MAVS: variants seen among roughly 807,000 people sequenced by gnomAD.
MAVS encodes the protein mitochondrial antiviral-signaling protein.
A neutral mutation model predicts 30.2 loss-of-function variants in MAVS; 20 were observed. That is an observed-to-expected ratio of 0.66 (90% confidence interval 0.47 to 0.96). MAVS has a LOEUF of 0.96. Among genes scored for constraint, MAVS ranks in the 40% least tolerant of loss-of-function variants. The probability of loss-of-function intolerance (pLI) is 0.00; values close to 1 mark genes in which losing one functional copy is unlikely to be tolerated. For missense variants in MAVS, 624 were observed against 701.1 expected, an observed-to-expected ratio of 0.89 and a Z score of 1.24; for synonymous variants, 278 against 293.9, an observed-to-expected ratio of 0.95 and a Z score of 0.55.
chr20:3,870,798 G>A lies in MAVS; in HGVS notation c.*4651G>A, dbSNP rs1428136107. 1 of 151,892 alleles carries A rather than the reference G, an allele frequency of 6.6e-6. No individual in the cohort carries two copies. The highest frequency in any genetic ancestry group is 1.5e-5 in the Non-Finnish European group (1 of 68,038). The allele number at this position is 151,892 out of a possible 1,614,324, so 9.4% of individuals were successfully genotyped here. On this transcript the variant is annotated 3_prime_UTR_variant, in exon 7 of 7. Transcript: ENST00000428216. ...AGAGAGTAGAATAACAAATCCCCATGAGCCCATCACCCAACTTCAGTAATT... is the reference window on the plus strand; with the variant it reads ...AGAGAGTAGAATAACAAATCCCCATAAGCCCATCACCCAACTTCAGTAATT...
intron 1 of MAVS, among the ~76,000 whole-genome samples, chr20:3,853,420 AGCTT>A (rs1421612995): frequency 3.5e-4 from 52 of 150,128 alleles, no homozygotes; most frequent in Admixed American, 3.5e-3. Context: ...CGAGAGGCGG[AGCTT>A]GCAGTGAGCC....
intron 1 of MAVS, among the ~76,000 whole-genome samples, chr20:3,847,615 A>G (rs2146750435): frequency 6.6e-6 from 1 of 152,366 alleles, no homozygotes; most frequent in Non-Finnish European, 1.5e-5. Flanking sequence ...CTAGGAGGAC[A>G]GCCAGCGACC....
chr20:3,854,660 C>G lies in MAVS; in HGVS notation c.36C>G (p.Ile12Met), dbSNP rs754701399. The G allele has an allele frequency of 4.3e-6, 7 of 1,613,912 alleles. No individual in the cohort carries two copies. The highest frequency in any genetic ancestry group is 5.9e-6 in the Non-Finnish European group (7 of 1,179,900). Residue 12 changes from isoleucine to methionine, a missense_variant, in exon 2 of 7, where the codon ATC becomes ATG. Coordinates refer to ENST00000428216, the MANE Select transcript of MAVS (RefSeq NM_020746.5). ...CTGAAGACAAGACCTATAAGTATATCTGCCGCAATTTCAGCAATTTTTGCA... is the reference window on the plus strand; with the variant it reads ...CTGAAGACAAGACCTATAAGTATATGTGCCGCAATTTCAGCAATTTTTGCA... ...PFAEDKTYKY[I>M]CRNFSNFCNV... is the part of the protein sequence containing the mutation.
At chr20:3,854,027 G>C (rs2089787793) in intron 1 of MAVS, among the ~76,000 whole-genome samples, 1 of 142,872 alleles carries the variant, frequency 7.0e-6, no homozygotes, top group Admixed American at 7.6e-5. Context: ...TCCAACTCCC[G>C]ACCTCAGTTA....
chr20:3,861,570 G>A (rs968887765), intron 4 of MAVS, 66 bp downstream of exon 4: 54 of 1,526,004 alleles, frequency 3.5e-5, no homozygotes, highest in Non-Finnish European at 4.5e-5. Context: ...TCTGCCCATT[G>A]AGCCTTCCAG....
Position 3,862,346 on chromosome 20 carries a change from C to G in MAVS, c.558C>G (p.Ala186=), listed in dbSNP as rs1239618507. ...GPLESSSDLA[A]LSPLTSSGHQ... is the part of the protein sequence containing the mutation. ...TGGAGTCCTCCTCTGACCTGGCAGC[C>G]CTCAGCCCTCTGACCTCCAGCGGGC... The change falls in exon 5 of 7, where the codon GCC becomes GCG. Residue 186 remains alanine (A), a synonymous_variant. Transcript: ENST00000428216. 6.2e-7 allele frequency: 1 copy of G among 1,614,128 alleles called. No homozygotes were observed. Among genetic ancestry groups the G allele is most frequent in the Admixed American group, 1.7e-5 (1 of 60,008 alleles).
intron 2 of MAVS, among the ~76,000 whole-genome samples, chr20:3,857,000 C>T (rs1180753224): frequency 6.7e-6 from 1 of 148,522 alleles, no homozygotes; most frequent in African/African-American, 2.5e-5. Flanking sequence ...CACGGCACTG[C>T]ACTCCAGCCT....
At chr20:3,850,443 A>G (rs1187288861) in intron 1 of MAVS, among the ~76,000 whole-genome samples, 2 of 148,944 alleles carry the variant, frequency 1.3e-5, no homozygotes, top group Non-Finnish European at 1.5e-5. Flanking sequence ...ATACAAAATT[A>G]GCGGGGCGTG....
intron 3 of MAVS, among the ~76,000 whole-genome samples, chr20:3,859,448 C>T (rs1401973087): frequency 1.3e-5 from 2 of 149,980 alleles, no homozygotes; most frequent in East Asian, 2.0e-4. Context: ...GTGGAGGTTG[C>T]AGTGAGCCGA....
At chr20:3,862,792 A>G (rs374548454) in intron 5 of MAVS, among the ~76,000 whole-genome samples, 3 of 152,040 alleles carry the variant, frequency 2.0e-5, no homozygotes, top group Admixed American at 6.6e-5. Context: ...GTTCTCTTCT[A>G]TGTAGTCTCT....
rs986648616 is a variant in MAVS, at chr20:3,846,922, C to T, written c.-68+19C>T. The T allele has an allele frequency of 2.6e-5, 4 of 152,420 alleles. No individual in the cohort carries two copies. Among genetic ancestry groups the T allele is most frequent in the African/African-American group, 9.6e-5 (4 of 41,454 alleles). The allele number at this position is 152,420 out of a possible 1,614,324, so 9.4% of individuals were successfully genotyped here. A position where few individuals can be genotyped will look rare whatever the true frequency, so the allele number is the denominator to read the frequency against. On this transcript the variant is annotated intron_variant, in intron 1 of 6. Coordinates refer to ENST00000428216, the MANE Select transcript of MAVS (RefSeq NM_020746.5). ...ACCCGAGGTAAGATCGCTTCCCGGG[C>T]GTTGGGTCCTTTCGGCTCAGCACGC...
intron 1 of MAVS, among the ~76,000 whole-genome samples, chr20:3,853,098 C>T (rs1228086520): frequency 6.7e-6 from 1 of 150,338 alleles, no homozygotes; most frequent in East Asian, 2.0e-4. Flanking sequence ...CTCGGCCTCC[C>T]AACGTGCTGG....
chr20:3,856,526 G>T (rs550036331), intron 2 of MAVS, among the ~76,000 whole-genome samples: 2 of 151,578 alleles, frequency 1.3e-5, no homozygotes, highest in East Asian at 3.9e-4. Flanking sequence ...TAATTTTTGT[G>T]TTTTTAGTAG....
chr20:3,854,147 G>A (rs530758958), intron 1 of MAVS, among the ~76,000 whole-genome samples: 1 of 152,000 alleles, frequency 6.6e-6, no homozygotes, highest in South Asian at 2.1e-4. Flanking sequence ...AAACGGCCAG[G>A]TGTGGTGGCT....
At chr20:3,857,415 G>A (rs565520736) in intron 2 of MAVS, among the ~76,000 whole-genome samples, 92 of 152,358 alleles carry the variant, frequency 6.0e-4, no homozygotes, top group African/African-American at 2.1e-3. Flanking sequence ...CCAGGACATA[G>A]TTAATTGCCA....
chr20:3,860,967 G>A (rs2089861257), intron 3 of MAVS, among the ~76,000 whole-genome samples: 1 of 150,260 alleles, frequency 6.7e-6, no homozygotes, highest in South Asian at 2.1e-4. Context: ...GAGCCATCGT[G>A]CCCAGCCCCT....
chr20:3,860,666 C>T (rs1217217236), intron 3 of MAVS, among the ~76,000 whole-genome samples: 3 of 151,300 alleles, frequency 2.0e-5, no homozygotes, highest in East Asian at 2.0e-4. Flanking sequence ...TGAGCCACCA[C>T]GTCTGGCTTC....
chr20:3,854,743 TG>T lies in MAVS; in HGVS notation c.117+3del. ...CCCTGCCTCACAGCAAGAGACCAGG[TG>T]AGCAAGGGAAGTGACAGCCCGACAC... On this transcript the variant is annotated splice_donor_region_variant and intron_variant, in intron 2 of 6. Transcript: ENST00000428216. The T allele has an allele frequency of 1.9e-6, 3 of 1,607,530 alleles. No homozygotes were observed. Among genetic ancestry groups the T allele is most frequent in the Non-Finnish European group, 2.6e-6 (3 of 1,174,214 alleles).
rs890933581 is a variant in MAVS at position 3,865,612 on chromosome 20, A to G, written c.1159-71A>G. ...TGTTAGTTCATGCCCTGGCCTGGGA[A>G]TGGGACCGCCCTACCAGGTTCGTCT... is the stretch of plus-strand genomic sequence containing the variant. On this transcript the variant is annotated intron_variant, in intron 6 of 6. Transcript: ENST00000428216. This position sits in a 1 kb window ranked among gnomAD's most constrained non-coding sequence, Gnocchi z 4.7. The G allele has an allele frequency of 1.8e-4, 251 of 1,400,628 alleles. 1 individual carries two copies. Among genetic ancestry groups the G allele is most frequent in the Non-Finnish European group, 4.2e-5 (44 of 1,041,372 alleles). The allele number at this position is 1,400,628 out of a possible 1,614,324, so 86.8% of individuals were successfully genotyped here. A position where few individuals can be genotyped will look rare whatever the true frequency, so the allele number is the denominator to read the frequency against.
Sources: allele counts gnomAD v4.1 joint callset (sites outside exome capture counted in the v4.1 genomes callset), GRCh38; gene constraint gnomAD v4.1.1; non-coding constraint Gnocchi (gnomAD v3.1); transcripts MANE v1.5; gene names NCBI Gene and HGNC (gene_info 2026-07-23, HGNC 2026-07-21).